The following TGFA variants were observed in gnomAD, a reference collection of about 807,000 sequenced individuals.
The protein encoded by TGFA is transforming growth factor alpha.
A neutral mutation model predicts 21.7 loss-of-function variants in TGFA; 12 were observed. That is an observed-to-expected ratio of 0.55 (90% CI 0.35 to 0.90). TGFA has a LOEUF of 0.90. Ranked by LOEUF, TGFA falls within the 40% of genes least tolerant of loss-of-function variation. TGFA has a pLI of 0.01. For synonymous variants in TGFA, 79 were observed against 88.1 expected, an observed-to-expected ratio of 0.90 and a Z score of 0.58; for missense variants, 178 against 210.8, an observed-to-expected ratio of 0.84 and a Z score of 0.96.
chr2:70,499,152 T>C (rs2103807727), intron 2 of TGFA, among the ~76,000 whole-genome samples: 1 of 152,332 alleles, frequency 6.6e-6, no homozygotes, highest in South Asian at 2.1e-4. Context: ...ACCTCTGAGA[T>C]TTGCATTTGG....
Position 70,473,259 on chromosome 2 carries a change from T to C in TGFA, c.95-7523A>G, listed in dbSNP as rs72910011. Among the ~76,000 whole-genome samples, 361 of 152,236 alleles carry C rather than the reference T, an allele frequency of 2.4e-3. 1 individual carries two copies. Among genetic ancestry groups the C allele is most frequent in the African/African-American group, 8.4e-3 (350 of 41,538 alleles). ...AGCAGCTATGGAGTGAAGGAGAGGC[T>C]GGTGCGGAGGCTTACACTCGGGTGG... On this transcript the variant is annotated intron_variant, in intron 2 of 5. Coordinates refer to ENST00000295400, the MANE Select transcript of TGFA (RefSeq NM_003236.4).
chr2:70,517,779 C>T (rs1672330254), intron 1 of TGFA, among the ~76,000 whole-genome samples: 1 of 152,226 alleles, frequency 6.6e-6, no homozygotes, highest in African/African-American at 2.4e-5. Flanking sequence ...CCAAGTTAGT[C>T]CAAACAACAG....
chr2:70,476,010 C>A (rs1670910893), intron 2 of TGFA, among the ~76,000 whole-genome samples: 1 of 148,194 alleles, frequency 6.7e-6, no homozygotes, highest in African/African-American at 2.5e-5. Flanking sequence ...TCTTCCTCCT[C>A]ATGACCCCAT....
intron 1 of TGFA, among the ~76,000 whole-genome samples, chr2:70,526,944 G>A (rs1672655591): frequency 6.6e-6 from 1 of 152,222 alleles, no homozygotes; most frequent in African/African-American, 2.4e-5. Context: ...GTGTATTTCT[G>A]AAGTATTTTC....
At chr2:70,523,348 C>T (rs1553502574) in intron 1 of TGFA, among the ~76,000 whole-genome samples, 19 of 152,284 alleles carry the variant, frequency 1.2e-4, no homozygotes, top group Non-Finnish European at 8.8e-5. Flanking sequence ...TGTCCCAGGG[C>T]TCTTCAAGCA....
At chr2:70,468,663 C>T (rs552249670) in intron 2 of TGFA, among the ~76,000 whole-genome samples, 4 of 152,228 alleles carry the variant, frequency 2.6e-5, no homozygotes, top group Non-Finnish European at 4.4e-5. Flanking sequence ...CTCATAGGAG[C>T]GGGAAACCTA....
chr2:70,453,712 A>G (rs971555356), intron 4 of TGFA, among the ~76,000 whole-genome samples: 4 of 152,158 alleles, frequency 2.6e-5, no homozygotes, highest in African/African-American at 9.7e-5. Context: ...ACTGGGATAA[A>G]GTGGCCACCT....
chr2:70,516,277 G>C (rs1672274677), intron 1 of TGFA, among the ~76,000 whole-genome samples: 1 of 152,214 alleles, frequency 6.6e-6, no homozygotes, highest in Non-Finnish European at 1.5e-5. Context: ...GTCTGTTACA[G>C]GATCGATGCA....
intron 1 of TGFA, among the ~76,000 whole-genome samples, chr2:70,552,831 G>A (rs1553506999): frequency 6.6e-6 from 1 of 152,228 alleles, no homozygotes; most frequent in Non-Finnish European, 1.5e-5. Context: ...CGGAAGACTA[G>A]CAATAACCAG....
intron 2 of TGFA, among the ~76,000 whole-genome samples, chr2:70,510,235 T>A (rs533532852): frequency 1.6e-4 from 25 of 152,300 alleles, no homozygotes; most frequent in African/African-American, 5.5e-4. Flanking sequence ...CTTTGTATAG[T>A]TCCAGCAACT....
chr2:70,553,443 G>T (rs1673578766), intron 1 of TGFA: 10 of 1,420,540 alleles, frequency 7.0e-6, no homozygotes, highest in Non-Finnish European at 9.2e-6. Flanking sequence ...AGCTGCGGCG[G>T]ATTAAAGTTC....
chr2:70,515,142 C>G (rs1431154242), intron 1 of TGFA, among the ~76,000 whole-genome samples: 3 of 152,166 alleles, frequency 2.0e-5, no homozygotes, highest in Non-Finnish European at 4.4e-5. Context: ...AAATCCAGAG[C>G]CTTCCACTTC....
chr2:70,521,621 T>TG (rs1415868263), intron 1 of TGFA, among the ~76,000 whole-genome samples: 7,475 of 127,060 alleles, frequency 0.059, 761 homozygotes, highest in African/African-American at 0.21. Flanking sequence ...TTGTTTGTTT[T>TG]TTTTTTTTTT....
chr2:70,483,136 G>GTGTATCCT (rs1671172127), intron 2 of TGFA, among the ~76,000 whole-genome samples: 4 of 152,158 alleles, frequency 2.6e-5, no homozygotes, highest in Admixed American at 2.6e-4. Context: ...TGAACTCAAC[G>GTGTATCCT]TGTATCCTCT....
intron 1 of TGFA, among the ~76,000 whole-genome samples, chr2:70,518,197 G>T (rs1032890421): frequency 2.6e-5 from 4 of 152,224 alleles, no homozygotes; most frequent in South Asian, 2.1e-4. Flanking sequence ...GGACAGGAAG[G>T]CTTCTAGGAA....
chr2:70,532,348 C>G (rs1672836221), intron 1 of TGFA, among the ~76,000 whole-genome samples: 1 of 152,168 alleles, frequency 6.6e-6, no homozygotes, highest in Admixed American at 6.5e-5. Flanking sequence ...AAGTTAATGA[C>G]TTTATCTTCA....
chr2:70,504,457 TATATATACAC>T (rs1671847179), intron 2 of TGFA, among the ~76,000 whole-genome samples: 4 of 74,074 alleles, frequency 5.4e-5, no homozygotes, highest in African/African-American at 4.1e-4. Context: ...TATATATATA[TATATATACAC>T]ACATACATAC....
chr2:70,470,000 TA>T (rs1184300636), intron 2 of TGFA, among the ~76,000 whole-genome samples: 1 of 151,548 alleles, frequency 6.6e-6, no homozygotes, highest in Non-Finnish European at 1.5e-5. Flanking sequence ...ATAGGTACCA[TA>T]AAAAGGCAAT....
chr2:70,463,991 C>A (rs782400533), intron 3 of TGFA, among the ~76,000 whole-genome samples: 1 of 152,166 alleles, frequency 6.6e-6, no homozygotes, highest in Admixed American at 6.5e-5. Context: ...CTTAGCCCTG[C>A]GGTGTTCCGA....
Sources: allele counts gnomAD v4.1 joint callset (sites outside exome capture counted in the v4.1 genomes callset), GRCh38; gene constraint gnomAD v4.1.1; transcripts MANE v1.5; gene names NCBI Gene and HGNC (gene_info 2026-07-23, HGNC 2026-07-21).